NASP: variants seen among roughly 807,000 people sequenced by gnomAD.
The protein encoded by NASP is nuclear autoantigenic sperm protein.
Under a neutral mutation model 89.5 loss-of-function variants are expected in NASP, and 24 were observed. The ratio of observed to expected loss-of-function variants is 0.27; its 90% CI spans 0.19 to 0.38. The LOEUF is 0.38. Ranked by LOEUF, NASP falls within the 10% of genes least tolerant of loss-of-function variation. The probability of loss-of-function intolerance (pLI) is 1.00; values close to 1 mark genes in which losing one functional copy is unlikely to be tolerated. For synonymous variants in NASP, 306 were observed against 324.7 expected (o/e 0.94, Z 0.62); for missense variants, 848 against 921.4 (o/e 0.92, Z 1.03).
intron 1 of NASP, among the ~76,000 whole-genome samples, chr1:45,590,723 A>AT (rs1643525414): frequency 8.7e-6 from 1 of 114,962 alleles, no homozygotes; most frequent in African/African-American, 3.4e-5. Flanking sequence ...TCTCGCTGTG[A>AT]TATCTCCCTG....
intron 4 of NASP, among the ~76,000 whole-genome samples, chr1:45,605,237 T>TCA (rs980425454): frequency 3.4e-4 from 52 of 152,276 alleles, no homozygotes; most frequent in African/African-American, 1.2e-3. Flanking sequence ...TAGTGAATGA[T>TCA]CCAAAGTTCA....
intron 5 of NASP, 82 bp downstream of exon 5, chr1:45,606,673 G>T: frequency 1.1e-6 from 1 of 887,898 alleles, no homozygotes; most frequent in Non-Finnish European, 1.8e-6. Context: ...GGCTCTACCT[G>T]TCCTGGATGG....
At chr1:45,593,816 C>T (rs1447226969) in intron 2 of NASP, among the ~76,000 whole-genome samples, 4 of 150,138 alleles carry the variant, frequency 2.7e-5, no homozygotes, top group Non-Finnish European at 5.9e-5. Flanking sequence ...CCCAGGAGTT[C>T]GAGACCAGCC....
chr1:45,594,789 C>T (rs1434271894), intron 2 of NASP: 1 of 437,858 alleles, frequency 2.3e-6, no homozygotes, highest in East Asian at 7.1e-5. Flanking sequence ...AGCCACTATG[C>T]TTGGCATAAG....
chr1:45,594,181 T>C (rs1643627927), intron 2 of NASP, among the ~76,000 whole-genome samples: 1 of 151,848 alleles, frequency 6.6e-6, no homozygotes, highest in Admixed American at 6.6e-5. Flanking sequence ...ATACAAAAAT[T>C]AGCCGGTCGT....
intron 1 of NASP, among the ~76,000 whole-genome samples, chr1:45,586,477 G>T (rs966782960): frequency 2.6e-5 from 4 of 152,062 alleles, no homozygotes; most frequent in Non-Finnish European, 1.5e-5. Context: ...TTGTAAAGAC[G>T]AGTTTTTGCC....
intron 13 of NASP, 114 bp from the exon 14 acceptor site, chr1:45,617,349 C>T: frequency 1.6e-6 from 2 of 1,239,944 alleles, no homozygotes; most frequent in South Asian, 1.4e-5. Flanking sequence ...ACCCTTAGAG[C>T]TGTGAATCCT....
At position 45,608,060 on chromosome 1, in the gene NASP, G is replaced by T. The variant is rs761576032; in HGVS notation, c.1149G>T (p.Pro383=). Residue 383 remains proline, a synonymous_variant, in exon 6 of 15, where the codon CCG becomes CCT. Transcript: ENST00000350030. ...VLPKDGAVNG[P]SVVGDQTPIE... ...CTAAGGATGGTGCAGTCAATGGACC[G>T]TCAGTTGTAGGAGATCAGACTCCTA... is the stretch of plus-strand genomic sequence containing the variant. The T allele has an allele frequency of 6.2e-7, 1 of 1,613,902 alleles. No homozygotes were observed. The highest frequency in any genetic ancestry group is 1.3e-5 in the African/African-American group (1 of 74,918).
intron 2 of NASP, 58 bp downstream of exon 2, chr1:45,591,328 TA>T: frequency 8.9e-7 from 1 of 1,128,986 alleles, no homozygotes; most frequent in Non-Finnish European, 1.3e-6. Flanking sequence ...AAGAGCAATA[TA>T]ACTTTAAAGT....
intron 2 of NASP, among the ~76,000 whole-genome samples, chr1:45,599,919 C>T (rs916740013): frequency 2.0e-5 from 3 of 148,692 alleles, no homozygotes; most frequent in Non-Finnish European, 3.0e-5. Flanking sequence ...TTTGAACTTA[C>T]TATTGCCTCT....
chr1:45,602,230 A>C, intron 2 of NASP, 25 bp from the exon 3 acceptor site: 1 of 1,604,860 alleles, frequency 6.2e-7, no homozygotes, highest in Non-Finnish European at 8.5e-7. Flanking sequence ...AGTACTTGAC[A>C]CTAGAAAAAA....
chr1:45,604,483 C>CT (rs1255029823), intron 3 of NASP, among the ~76,000 whole-genome samples: 6 of 152,188 alleles, frequency 3.9e-5, no homozygotes, highest in African/African-American at 1.4e-4. Context: ...AATAATTTGT[C>CT]TAAGGTCTCA....
chr1:45,584,810 A>T (rs1570936510), intron 1 of NASP, among the ~76,000 whole-genome samples: 1 of 152,300 alleles, frequency 6.6e-6, no homozygotes, highest in East Asian at 1.9e-4. Context: ...CGGCTCCAGC[A>T]GGAGCTTTGG....
Position 45,586,274 on chromosome 1 carries a change from GTGTGTGTGTGGT to G in NASP, c.59+2070_59+2081del, listed in dbSNP as rs1452175470. Among the ~76,000 whole-genome samples the G allele has an allele frequency of 3.7e-3, 224 of 60,076 alleles. 2 individuals are homozygous for G. The highest frequency in any genetic ancestry group is 7.8e-3 in the Middle Eastern group (1 of 128). The allele number at this position is 60,076 out of a possible 152,430, so 39.4% of individuals were successfully genotyped here. A position where few individuals can be genotyped will look rare whatever the true frequency, so the allele number is the denominator to read the frequency against. On this transcript the variant is annotated intron_variant, in intron 1 of 14. Coordinates refer to ENST00000350030, the MANE Select transcript of NASP (RefSeq NM_002482.4). ...TGTGTGTGTGTGTGTGTGTGTGTGTGTGTGTGTGTGGTGTGTGTGTGTGTGTGTGTGTGTGGT... is the reference window on the plus strand; with the variant it reads ...TGTGTGTGTGTGTGTGTGTGTGTGTGGTGTGTGTGTGTGTGTGTGTGTGGT...
At chr1:45,598,366 C>T (rs989520101) in intron 2 of NASP, among the ~76,000 whole-genome samples, 3 of 152,074 alleles carry the variant, frequency 2.0e-5, no homozygotes, top group African/African-American at 4.8e-5. Context: ...GACGGGGTTT[C>T]GCCATGTTGG....
rs144030934 is a variant in NASP at position 45,600,271 on chromosome 1, T to C, written c.108-1984T>C. Reference sequence around the variant, plus strand: ...GCACATAACTTTAAAGTAACAATTATGAGTTTCTACATATGTATACACCTG... The same window carrying C: ...GCACATAACTTTAAAGTAACAATTACGAGTTTCTACATATGTATACACCTG... On this transcript the variant is annotated intron_variant, in intron 2 of 14. Transcript: ENST00000350030. 417 of 506,724 alleles carry C rather than the reference T, an allele frequency of 8.2e-4. 5 individuals are homozygous for C. Among genetic ancestry groups the C allele is most frequent in the African/African-American group, 7.4e-3 (352 of 47,870 alleles). The allele number at this position is 506,724 out of a possible 1,614,324, so 31.4% of individuals were successfully genotyped here.
At chr1:45,611,171 T>C (rs1644002178) in intron 6 of NASP, 1 of 152,066 alleles carries the variant, frequency 6.6e-6, no homozygotes, top group Admixed American at 6.5e-5. Context: ...GTAGGATAAT[T>C]GATAGAAAAG....
chr1:45,600,188 G>T (rs1643806308), intron 2 of NASP, among the ~76,000 whole-genome samples: 1 of 151,990 alleles, frequency 6.6e-6, no homozygotes, highest in South Asian at 2.1e-4. Context: ...TTTGACCCAG[G>T]TTTTTCTTAA....
At position 45,601,745 on chromosome 1, in the gene NASP, A is replaced by ATTTTTTTTT. The variant is rs71056316; in HGVS notation, c.108-490_108-482dup. 6.2e-4 allele frequency among the ~76,000 whole-genome samples: 43 copies of ATTTTTTTTT among 68,936 alleles called. 11 individuals are homozygous for ATTTTTTTTT. The highest frequency in any genetic ancestry group is 1.1e-3 in the Admixed American group (4 of 3,676). The allele number at this position is 68,936 out of a possible 152,430, so 45.2% of individuals were successfully genotyped here. A position where few individuals can be genotyped will look rare whatever the true frequency, so the allele number is the denominator to read the frequency against. On this transcript the variant is annotated intron_variant, in intron 2 of 14. Transcript: ENST00000350030. ...TGTGATTAGATGAGCCGTTAAGAGAATTTTTTTTTTTTTTTTTTTTTTTTT... is the reference window on the plus strand; with the variant it reads ...TGTGATTAGATGAGCCGTTAAGAGAATTTTTTTTTTTTTTTTTTTTTTTTTTTTTTTTTT...
Sources: gnomAD v4.1 joint callset for allele counts (sites outside exome capture counted in the v4.1 genomes callset) on GRCh38, gnomAD v4.1.1 for gene constraint, MANE v1.5 for transcripts, NCBI Gene and HGNC (gene_info 2026-07-23, HGNC 2026-07-21) for gene names.